CDH1: variants seen among roughly 807,000 people sequenced by gnomAD.
CDH1 encodes cadherin 1.
In CDH1, 35 loss-of-function variants were observed where a neutral mutation model predicts 84.5. The ratio of observed to expected loss-of-function variants is 0.41; its 90% confidence interval spans 0.32 to 0.55. CDH1 has a LOEUF of 0.55. CDH1 is among the 20% of genes least tolerant of loss of function. The pLI is 0.19. For missense variants in CDH1, 994 were observed against 1,126.6 expected, an observed-to-expected ratio of 0.88 and a Z score of 1.68; for synonymous variants, 417 against 439.0, an observed-to-expected ratio of 0.95 and a Z score of 0.63.
At chr16:68,762,322 G>T (rs1342070590) in intron 2 of CDH1, among the ~76,000 whole-genome samples, 2 of 152,134 alleles carry the variant, frequency 1.3e-5, no homozygotes, top group Non-Finnish European at 2.9e-5. Context: ...TGCCAGTTGG[G>T]ATCCCCTGGG....
At chr16:68,747,296 C>T (rs953416728) in intron 2 of CDH1, among the ~76,000 whole-genome samples, 11 of 152,110 alleles carry the variant, frequency 7.2e-5, no homozygotes, top group African/African-American at 2.7e-4. Context: ...GGAGCTGTGC[C>T]TTCCTGGGCA....
chr16:68,792,608 G>T (rs187634645), intron 2 of CDH1, among the ~76,000 whole-genome samples: 2 of 152,180 alleles, frequency 1.3e-5, no homozygotes, highest in Admixed American at 6.5e-5. Context: ...GGCGTTTGCC[G>T]TCAGAGAAGG....
chr16:68,821,870 C>A, intron 11 of CDH1, 131 bp from the exon 12 acceptor site: 1 of 743,256 alleles, frequency 1.3e-6, no homozygotes, highest in South Asian at 1.5e-5. Context: ...ACAGGAGGTT[C>A]TGCGGGTGGA....
intron 14 of CDH1, among the ~76,000 whole-genome samples, chr16:68,828,973 G>A (rs1961403786): frequency 6.6e-6 from 1 of 152,066 alleles, no homozygotes; most frequent in Admixed American, 6.6e-5. Context: ...TAGATTTCAG[G>A]GACTTGTAAG....
intron 2 of CDH1, among the ~76,000 whole-genome samples, chr16:68,743,340 TTTC>T (rs1210323899): frequency 0.16 from 6,029 of 38,670 alleles, 560 homozygotes; most frequent in African/African-American, 0.19. Flanking sequence ...TCTTTCTTTC[TTTC>T]TTTCTTTCTT....
intron 8 of CDH1, 43 bp from the exon 9 acceptor site, chr16:68,813,270 C>T (rs1368560732): frequency 2.5e-6 from 4 of 1,592,174 alleles, no homozygotes; most frequent in Non-Finnish European, 3.4e-6. Flanking sequence ...GCTCTGCTAG[C>T]AGTCTTGGTA....
At chr16:68,753,212 CAA>C (rs55703202) in intron 2 of CDH1, among the ~76,000 whole-genome samples, 13 of 70,110 alleles carry the variant, frequency 1.9e-4, no homozygotes, top group South Asian at 1.3e-3. Context: ...GACTCAGTCT[CAA>C]AAAAAAAAAA....
At chr16:68,832,645 C>A (rs963929891) in intron 15 of CDH1, among the ~76,000 whole-genome samples, 2 of 151,922 alleles carry the variant, frequency 1.3e-5, no homozygotes, top group Non-Finnish European at 2.9e-5. Flanking sequence ...CATGGTGAAA[C>A]CCCGTTTTTA....
At chr16:68,832,817 T>C (rs558055009) in intron 15 of CDH1, among the ~76,000 whole-genome samples, 1 of 151,934 alleles carries the variant, frequency 6.6e-6, no homozygotes, top group Non-Finnish European at 1.5e-5. Flanking sequence ...TGAAACCCTG[T>C]CTCTAAAAAA....
chr16:68,824,315 C>A (rs548009401), intron 13 of CDH1, among the ~76,000 whole-genome samples: 85 of 152,220 alleles, frequency 5.6e-4, no homozygotes, highest in East Asian at 1.9e-4. Flanking sequence ...CATTTCTAAC[C>A]AGCTCCCAGG....
intron 13 of CDH1, among the ~76,000 whole-genome samples, chr16:68,826,833 C>T (rs1443485082): frequency 6.6e-6 from 1 of 152,106 alleles, no homozygotes; most frequent in Non-Finnish European, 1.5e-5. Context: ...GCAGCCAATT[C>T]AGTGTTCTTG....
chr16:68,818,904 G>A (rs1432919514), intron 10 of CDH1, among the ~76,000 whole-genome samples: 2 of 151,164 alleles, frequency 1.3e-5, no homozygotes, highest in East Asian at 1.9e-4. Context: ...TGCCCAGGCT[G>A]GAGTGCAGTG....
intron 2 of CDH1, among the ~76,000 whole-genome samples, chr16:68,772,265 TC>T (rs1959599499): frequency 6.6e-6 from 1 of 152,230 alleles, no homozygotes; most frequent in Non-Finnish European, 1.5e-5. Flanking sequence ...ACACTGCCTT[TC>T]TTATCCTCTT....
chr16:68,745,549 A>ATATATATATATATGTATAT lies in CDH1; in HGVS notation c.163+7138_163+7139insTATATATATATATGTATAT, dbSNP rs1285099283. On this transcript the variant is annotated intron_variant, in intron 2 of 15. Coordinates refer to ENST00000261769, the MANE Select transcript of CDH1 (RefSeq NM_004360.5). ...ATCCTGTCTCAAAAAAAAAAAAAAAAATATATATATATATGTATATATATA... is the reference window on the plus strand; with the variant it reads ...ATCCTGTCTCAAAAAAAAAAAAAAAATATATATATATATGTATATATATATATATATATGTATATATATA... Among the ~76,000 whole-genome samples the ATATATATATATATGTATAT allele has an allele frequency of 5.1e-4, 38 of 75,188 alleles. 1 individual carries two copies. Among genetic ancestry groups the ATATATATATATATGTATAT allele is most frequent in the African/African-American group, 2.0e-3 (37 of 18,086 alleles). The allele number at this position is 75,188 out of a possible 152,430, so 49.3% of individuals were successfully genotyped here. A position where few individuals can be genotyped will look rare whatever the true frequency, so the allele number is the denominator to read the frequency against.
chr16:68,737,528 C>CCCCAGCCCTGT, intron 1 of CDH1, 65 bp downstream of exon 1: 3 of 226,498 alleles, frequency 1.3e-5, no homozygotes, highest in Non-Finnish European at 2.0e-5. Context: ...CCCAGCCCTG[C>CCCCAGCCCTGT]GCCCCTTCCT....
At chr16:68,800,033 TAA>T (rs34387170) in intron 2 of CDH1, among the ~76,000 whole-genome samples, 111 of 129,404 alleles carry the variant, frequency 8.6e-4, no homozygotes, top group African/African-American at 3.0e-3. Flanking sequence ...TAATAATAAT[TAA>T]AAAAAAAAAA....
Position 68,824,027 on chromosome 16 carries a change from C to T in CDH1, c.2164+401C>T, listed in dbSNP as rs542451502. On this transcript the variant is annotated intron_variant, in intron 13 of 15. Transcript: ENST00000261769. ...TTTTTTTTTTTTTGAGATGGAGTTT[C>T]GCTCTTGTTGCCGAGGCTGGAGTGC... Among the ~76,000 whole-genome samples the T allele has an allele frequency of 3.4e-3, 376 of 110,934 alleles. 2 individuals are homozygous for T. The highest frequency in any genetic ancestry group is 4.0e-3 in the Non-Finnish European group (240 of 59,486). The allele number at this position is 110,934 out of a possible 152,430, so 72.8% of individuals were successfully genotyped here.
At chr16:68,742,252 A>G (rs995841841) in intron 2 of CDH1, among the ~76,000 whole-genome samples, 2 of 151,596 alleles carry the variant, frequency 1.3e-5, no homozygotes, top group Non-Finnish European at 2.9e-5. Context: ...CAGGCACCCA[A>G]ACTTTGTGGA....
chr16:68,819,277 C>T lies in CDH1; in HGVS notation c.1566-3C>T, dbSNP rs113057579. The stretch of plus-strand genomic sequence containing the variant: ...CTAAAAGCCAGAGCTTGTCCCCGTT[C>T]AGATATCGGATTTGGAGAGACACTG... On this transcript the variant is annotated splice_polypyrimidine_tract_variant and splice_region_variant and intron_variant, in intron 10 of 15. Coordinates refer to ENST00000261769, the MANE Select transcript of CDH1 (RefSeq NM_004360.5). 1 of 1,614,230 alleles carries T rather than the reference C, an allele frequency of 6.2e-7. No homozygotes were observed. Among genetic ancestry groups the T allele is most frequent in the South Asian group, 1.1e-5 (1 of 91,072 alleles).
Sources: allele counts gnomAD v4.1 joint callset (sites outside exome capture counted in the v4.1 genomes callset), GRCh38; gene constraint gnomAD v4.1.1; transcripts MANE v1.5; gene names NCBI Gene and HGNC (gene_info 2026-07-23, HGNC 2026-07-21).